MTUS2: variants seen among roughly 807,000 people sequenced by gnomAD.
The protein encoded by MTUS2 is microtubule-associated tumor suppressor candidate 2.
MTUS2 carries 40 observed loss-of-function variants against 114.1 expected under a neutral mutation model. The observed-to-expected ratio is 0.35, with a 90% CI of 0.27 to 0.46. The LOEUF (loss-of-function observed/expected upper bound fraction) is 0.46. Among genes scored for constraint, MTUS2 ranks in the 20% least tolerant of loss-of-function variants. The pLI, the probability that MTUS2 is intolerant of heterozygous loss-of-function variation, is 1.00. For missense variants in MTUS2, 1,679 were observed against 1,705.4 expected (o/e 0.98, Z 0.27); for synonymous variants, 688 against 672.0 (o/e 1.02, Z -0.37).
intron 5 of MTUS2, among the ~76,000 whole-genome samples, chr13:29,167,736 C>T (rs1893378971): frequency 6.6e-6 from 1 of 152,048 alleles, no homozygotes. Context: ...CAACATGATG[C>T]TCAAAGCAAA....
At chr13:29,263,355 G>A (rs915955947) in intron 5 of MTUS2, among the ~76,000 whole-genome samples, 2 of 152,044 alleles carry the variant, frequency 1.3e-5, no homozygotes, top group African/African-American at 4.8e-5. Flanking sequence ...ATTCTTTATT[G>A]GGCTCCTGGA....
chr13:28,902,832 A>G (rs1879725640), intron 2 of MTUS2, among the ~76,000 whole-genome samples: 1 of 152,174 alleles, frequency 6.6e-6, no homozygotes, highest in Admixed American at 6.6e-5. Context: ...TTCTTATTAA[A>G]TAGAATGATT....
At chr13:29,491,483 A>T (rs559020722) in intron 11 of MTUS2, among the ~76,000 whole-genome samples, 9 of 100,596 alleles carry the variant, frequency 8.9e-5, no homozygotes, top group Non-Finnish European at 1.7e-4. Flanking sequence ...TGTATGTGGG[A>T]TGTGTGTAGT....
chr13:28,950,708 G>A (rs1489241503), intron 2 of MTUS2, among the ~76,000 whole-genome samples: 1 of 152,116 alleles, frequency 6.6e-6, no homozygotes, highest in African/African-American at 2.4e-5. Flanking sequence ...TATGGGCATG[G>A]TTCATGGTGC....
intron 9 of MTUS2, among the ~76,000 whole-genome samples, chr13:29,467,941 C>G (rs1880004353): frequency 6.6e-6 from 1 of 151,900 alleles, no homozygotes; most frequent in Non-Finnish European, 1.5e-5. Context: ...ACTGAGAAAC[C>G]CTGTCTCTAC....
At chr13:29,327,421 C>A (rs1348453051) in intron 7 of MTUS2, among the ~76,000 whole-genome samples, 1 of 152,106 alleles carries the variant, frequency 6.6e-6, no homozygotes, top group East Asian at 1.9e-4. Context: ...CACCCCAAAC[C>A]CCAGACAACC....
At position 28,824,900 on chromosome 13, in the gene MTUS2, G is replaced by A. The variant is rs138575297; in HGVS notation, c.-316+4289G>A. 7.4e-3 allele frequency among the ~76,000 whole-genome samples: 1,131 copies of A among 152,268 alleles called. 10 individuals are homozygous for A. The highest frequency in any genetic ancestry group is 0.01 in the Middle Eastern group (3 of 294). ...ATGGGGGAGCAGGAGTGGGTTATGG[G>A]GAATTGCTATTTCAAGTAGTGTGGT... On this transcript the variant is annotated intron_variant, in intron 1 of 15. Transcript: ENST00000612955.
chr13:29,498,828 G>C (rs897119168), intron 14 of MTUS2, among the ~76,000 whole-genome samples: 3 of 152,190 alleles, frequency 2.0e-5, no homozygotes, highest in Non-Finnish European at 2.9e-5. Context: ...TTGGGGACGT[G>C]TGGGGACCCA....
At chr13:29,019,472 A>C (rs974911303) in intron 2 of MTUS2, among the ~76,000 whole-genome samples, 36 of 152,224 alleles carry the variant, frequency 2.4e-4, no homozygotes, top group African/African-American at 8.7e-4. Flanking sequence ...TTTTCGATGA[A>C]AAATTAAGGA....
intron 6 of MTUS2, among the ~76,000 whole-genome samples, chr13:29,303,061 C>T (rs1302282347): frequency 6.6e-6 from 1 of 152,224 alleles, no homozygotes; most frequent in Non-Finnish European, 1.5e-5. Context: ...AGCAGCCCTA[C>T]AGTAGAATGG....
intron 9 of MTUS2, among the ~76,000 whole-genome samples, chr13:29,471,113 C>T (rs566924907): frequency 2.6e-5 from 4 of 152,168 alleles, no homozygotes; most frequent in Admixed American, 6.5e-5. Context: ...GAGGCTGAGG[C>T]GGGCAGCTCA....
chr13:29,039,475 A>G (rs1887248390), intron 4 of MTUS2, among the ~76,000 whole-genome samples: 1 of 152,190 alleles, frequency 6.6e-6, no homozygotes, highest in Non-Finnish European at 1.5e-5. Flanking sequence ...GCGCAGCTGC[A>G]GCGGGGGAGG....
chr13:29,058,378 A>G (rs771744143), intron 4 of MTUS2, among the ~76,000 whole-genome samples: 1 of 151,598 alleles, frequency 6.6e-6, no homozygotes, highest in South Asian at 2.1e-4. Context: ...TGTTTTCCAA[A>G]TTGCTTGTTT....
chr13:29,474,520 C>G (rs1000698378), intron 9 of MTUS2, among the ~76,000 whole-genome samples: 1 of 152,160 alleles, frequency 6.6e-6, no homozygotes, highest in Non-Finnish European at 1.5e-5. Context: ...CACCCAACCT[C>G]CCAAAGGAGA....
intron 2 of MTUS2, among the ~76,000 whole-genome samples, chr13:28,929,733 T>A (rs1881512842): frequency 6.6e-6 from 1 of 152,176 alleles, no homozygotes; most frequent in African/African-American, 2.4e-5. Context: ...AGCAAACACT[T>A]CTTAGCACCT....
chr13:29,010,945 G>A (rs1050056461), intron 2 of MTUS2, among the ~76,000 whole-genome samples: 8 of 152,062 alleles, frequency 5.3e-5, no homozygotes, highest in Admixed American at 3.3e-4. Flanking sequence ...CTGGAGTCAG[G>A]AGCCTCCCTG....
chr13:28,895,074 A>T (rs540074382), intron 2 of MTUS2, among the ~76,000 whole-genome samples: 37 of 152,390 alleles, frequency 2.4e-4, no homozygotes, highest in African/African-American at 8.9e-4. Flanking sequence ...TCATTTGTTC[A>T]CAGTGGCTGA....
At chr13:29,021,088 G>C (rs937747969) in intron 2 of MTUS2, among the ~76,000 whole-genome samples, 1 of 152,208 alleles carries the variant, frequency 6.6e-6, no homozygotes, top group South Asian at 2.1e-4. Context: ...TCAATGTATC[G>C]AGACCCTATC....
At chr13:29,218,646 T>G (rs1453769225) in intron 5 of MTUS2, among the ~76,000 whole-genome samples, 1 of 152,222 alleles carries the variant, frequency 6.6e-6, no homozygotes, top group East Asian at 1.9e-4. Context: ...GGATATTGTG[T>G]TAGCAGACAT....
Sources: gnomAD v4.1 joint callset for allele counts (sites outside exome capture counted in the v4.1 genomes callset) on GRCh38, gnomAD v4.1.1 for gene constraint, MANE v1.5 for transcripts, NCBI Gene and HGNC (gene_info 2026-07-23, HGNC 2026-07-21) for gene names.